The following SETD2 variants were observed in gnomAD, a reference collection of about 807,000 sequenced individuals.
SETD2 encodes histone-lysine N-methyltransferase SETD2.
A neutral mutation model predicts 242.1 loss-of-function variants in SETD2; 31 were observed. That is an observed-to-expected ratio of 0.13 (90% CI 0.10 to 0.17). The LOEUF (loss-of-function observed/expected upper bound fraction) is 0.17, where lower values mean the gene tolerates loss of function less well. SETD2 is among the 10% of genes least tolerant of loss of function. The probability of loss-of-function intolerance (pLI) is 1.00; values close to 1 mark genes in which losing one functional copy is unlikely to be tolerated. For synonymous variants in SETD2, 1,006 were observed against 1,066.5 expected, an observed-to-expected ratio of 0.94 and a Z score of 1.11; for missense variants, 2,481 against 3,046.3, an observed-to-expected ratio of 0.81 and a Z score of 4.37.
At chr3:47,045,683 G>GT (rs1399464709) in intron 16 of SETD2, among the ~76,000 whole-genome samples, 1 of 73,644 alleles carries the variant, frequency 1.4e-5, no homozygotes, top group African/African-American at 6.5e-5. Context: ...AGGTGACAGA[G>GT]TTAAAAAAAA....
At position 47,042,567 on chromosome 3, in the gene SETD2, A is replaced by G; in HGVS notation, c.7232T>C (p.Ile2411Thr). ...PEGKIYYYHVITRQTQWDPPT... is the reference protein window; with the variant it reads ...PEGKIYYYHVTTRQTQWDPPT... ...CCCATACAGCTCCTCTTACCTTGTG[A>G]TCACATGGTAGTAATAAATCTTCCC... The change falls in exon 17 of 21, where the codon ATC becomes ACC. Residue 2411 changes from isoleucine (I) to threonine (T), a missense_variant. By Grantham distance (89) the Ile-to-Thr change is moderately conservative. This residue lies in a region of SETD2 where 235 missense variants were observed against 293.9 expected (regional missense o/e 0.80). Transcript: ENST00000409792. 6.2e-7 allele frequency: 1 copy of G among 1,614,108 alleles called. No homozygotes were observed. Among genetic ancestry groups the G allele is most frequent in the Non-Finnish European group, 8.5e-7 (1 of 1,180,006 alleles).
chr3:47,144,445 T>C (rs1006700796), intron 1 of SETD2, among the ~76,000 whole-genome samples: 1 of 151,830 alleles, frequency 6.6e-6, no homozygotes, highest in Admixed American at 6.6e-5. Flanking sequence ...GAGACCATCC[T>C]GGCCAACATG....
intron 8 of SETD2, 57 bp downstream of exon 8, chr3:47,101,401 A>C: frequency 1.1e-6 from 1 of 885,906 alleles, no homozygotes. Flanking sequence ...ATATCCTTAT[A>C]TCTGAACAGC....
rs1191265072 is a variant in SETD2 at position 47,122,016 on chromosome 3, T to C, written c.2620A>G (p.Ile874Val). 1.2e-6 allele frequency: 2 copies of C among 1,613,836 alleles called. No homozygotes were observed. Among genetic ancestry groups the C allele is most frequent in the Non-Finnish European group, 8.5e-7 (1 of 1,179,912 alleles). Reference sequence around the variant, plus strand: ...GATGAAGCAATACCTGAACTCCCAATAGGTTGATATAAATCATCAAAATGA... The same window carrying C: ...GATGAAGCAATACCTGAACTCCCAACAGGTTGATATAAATCATCAAAATGA... ...VNHFDDLYQP[I>V]GSSGIASSLQ... is the part of the protein sequence containing the mutation. Residue 874 changes from isoleucine to valine, a missense_variant, in exon 3 of 21, where the codon ATT (isoleucine) becomes GTT (valine). Physicochemically the swap from Ile to Val is conservative, Grantham distance 29. Around this residue, in one of 17 missense-constraint regions of SETD2, gnomAD observed 1,300 missense variants for 1,259.2 expected, o/e 1.03. Transcript: ENST00000409792.
intron 18 of SETD2, chr3:47,029,137 A>G (rs1440166306): frequency 6.4e-6 from 1 of 155,064 alleles, no homozygotes; most frequent in Non-Finnish European, 1.4e-5. Flanking sequence ...ATCTTGGCTC[A>G]CTGCAGCCTC....
chr3:47,133,979 T>C (rs1194580483), intron 1 of SETD2, among the ~76,000 whole-genome samples: 1 of 152,200 alleles, frequency 6.6e-6, no homozygotes, highest in East Asian at 1.9e-4. Context: ...ATATTGCTTT[T>C]AACATATCCT....
At chr3:47,125,161 A>T (rs1031692056) in intron 2 of SETD2, among the ~76,000 whole-genome samples, 15 of 151,990 alleles carry the variant, frequency 9.9e-5, no homozygotes, top group Non-Finnish European at 8.8e-5. Context: ...TCTACTAAAA[A>T]TACAAAAATT....
At chr3:47,023,720 T>C (rs1314151423) in intron 18 of SETD2, among the ~76,000 whole-genome samples, 1 of 152,196 alleles carries the variant, frequency 6.6e-6, no homozygotes, top group Non-Finnish European at 1.5e-5. Flanking sequence ...CCCAATGCAG[T>C]ATAACCACTA....
At chr3:47,043,050 A>G (rs2039356879) in intron 16 of SETD2, among the ~76,000 whole-genome samples, 2 of 151,276 alleles carry the variant, frequency 1.3e-5, no homozygotes, top group African/African-American at 2.4e-5. Context: ...AAAAAAAAAA[A>G]GAAAAACCAA....
chr3:47,032,262 A>T (rs551371139), intron 18 of SETD2, among the ~76,000 whole-genome samples: 2 of 152,024 alleles, frequency 1.3e-5, no homozygotes, highest in South Asian at 4.2e-4. Context: ...CTATAATCCC[A>T]GCACTTTGGG....
chr3:47,052,680 T>C (rs893604450), intron 15 of SETD2, among the ~76,000 whole-genome samples: 2 of 151,848 alleles, frequency 1.3e-5, no homozygotes, highest in Middle Eastern at 3.2e-3. Flanking sequence ...TAGCTAGGAA[T>C]GGTGGTGCAC....
intron 1 of SETD2, among the ~76,000 whole-genome samples, chr3:47,140,171 C>A (rs11130115): frequency 0.49 from 73,929 of 151,948 alleles, 19,469 homozygotes; most frequent in Non-Finnish European, 0.58. Context: ...GAATTCTAAT[C>A]AGTGAGGAAA....
At chr3:47,038,515 T>G (rs2039126163) in intron 17 of SETD2, among the ~76,000 whole-genome samples, 2 of 152,150 alleles carry the variant, frequency 1.3e-5, no homozygotes, top group East Asian at 3.9e-4. Context: ...CTCAGGAGGC[T>G]GAGTCAGTAG....
At position 47,088,000 on chromosome 3, in the gene SETD2, T is replaced by C. The variant is rs149052655; in HGVS notation, c.5277+113A>G. ...ACAAACAAACAAACAAACAAATAAA[T>C]AAATAAATAAAATAAGACTAACTCT... On this transcript the variant is annotated intron_variant, in intron 10 of 20. Transcript: ENST00000409792. The C allele has an allele frequency of 1.4e-4, 151 of 1,090,004 alleles. No individual in the cohort carries two copies. In the African/African-American group the frequency reaches 2.1e-3, roughly 15 times the overall value. The allele number at this position is 1,090,004 out of a possible 1,614,324, so 67.5% of individuals were successfully genotyped here.
intron 1 of SETD2, among the ~76,000 whole-genome samples, chr3:47,162,969 T>G (rs907105359): frequency 6.6e-6 from 1 of 152,194 alleles, no homozygotes; most frequent in Non-Finnish European, 1.5e-5. Context: ...TCCACAACAT[T>G]GTCTTCTTTA....
intron 1 of SETD2, among the ~76,000 whole-genome samples, chr3:47,131,075 C>G (rs188336883): frequency 2.0e-5 from 3 of 152,248 alleles, no homozygotes; most frequent in African/African-American, 7.2e-5. Context: ...TTGGCCCTAT[C>G]AAGCGCATTA....
intron 6 of SETD2, 52 bp from the exon 7 acceptor site, chr3:47,103,475 T>C (rs766087244): frequency 2.5e-6 from 3 of 1,199,160 alleles, no homozygotes; most frequent in Non-Finnish European, 3.7e-6. Context: ...TAAATATTCA[T>C]GCAATTACCT....
chr3:47,040,332 A>C (rs1039903641), intron 17 of SETD2, among the ~76,000 whole-genome samples: 1 of 152,158 alleles, frequency 6.6e-6, no homozygotes. Context: ...GAAAGGGAAA[A>C]TATATGAAAA....
At chr3:47,101,682 C>A in intron 7 of SETD2, 127 bp from the exon 8 acceptor site, 1 of 536,028 alleles carries the variant, frequency 1.9e-6, no homozygotes, top group Non-Finnish European at 3.3e-6. Flanking sequence ...GCAAGTGGGT[C>A]TTTAGGCAAT....
Sources: gnomAD v4.1 joint callset for allele counts (sites outside exome capture counted in the v4.1 genomes callset) on GRCh38, gnomAD v4.1.1 for gene constraint, gnomAD v4.1.1 regional missense constraint, MANE v1.5 for transcripts, NCBI Gene and HGNC (gene_info 2026-07-23, HGNC 2026-07-21) for gene names.